Variants in FLVCR2 observed in about 807,000 individuals in gnomAD.
The protein encoded by FLVCR2 is FLVCR choline and putative heme transporter 2, also known as choline/ethanolamine transporter FLVCR2.
A neutral mutation model predicts 48.9 loss-of-function variants in FLVCR2; 38 were observed. The observed-to-expected ratio is 0.78, with a 90% CI of 0.60 to 1.02. The LOEUF (loss-of-function observed/expected upper bound fraction) is 1.02. FLVCR2 is among the 50% of genes least tolerant of loss of function. FLVCR2 has a pLI of 0.00. For synonymous variants in FLVCR2, 255 were observed against 257.0 expected, an observed-to-expected ratio of 0.99 and a Z score of 0.07; for missense variants, 664 against 663.3, an observed-to-expected ratio of 1.00 and a Z score of -0.01.
intron 1 of FLVCR2, among the ~76,000 whole-genome samples, chr14:75,617,242 A>G (rs1005426912): frequency 1.3e-5 from 2 of 152,198 alleles, no homozygotes; most frequent in African/African-American, 4.8e-5. Context: ...TAGAATCACA[A>G]GTGAGACATC....
intron 3 of FLVCR2, 111 bp downstream of exon 3, chr14:75,624,863 G>C: frequency 7.5e-7 from 1 of 1,326,704 alleles, no homozygotes; most frequent in Non-Finnish European, 1.1e-6. Context: ...ATGTAAAGCT[G>C]TTGTCTAGGG....
intron 1 of FLVCR2, chr14:75,596,003 CT>C: frequency 1.3e-6 from 2 of 1,486,176 alleles, no homozygotes; most frequent in Non-Finnish European, 1.9e-6. Context: ...AGCCGGTTGT[CT>C]TGCCACCACC....
intron 3 of FLVCR2, chr14:75,631,974 C>T: frequency 9.8e-6 from 4 of 407,268 alleles, no homozygotes; most frequent in South Asian, 5.5e-5. Flanking sequence ...CTGTGCTGCT[C>T]ACTGTGTGCA....
Position 75,633,656 on chromosome 14 carries a change from T to C in FLVCR2, c.980T>C (p.Leu327Ser), listed in dbSNP as rs765459389. The change falls in exon 4 of 10, where the codon TTG becomes TCG. Residue 327 changes from leucine to serine, a missense_variant. Physicochemically the swap from Leu to Ser is moderately radical, Grantham distance 145. Transcript: ENST00000238667. ...YGLNAGAFYA[L>S]STLLNRMVIW... ...CTGAATGCTGGTGCTTTTTATGCCT[T>C]GTCCACTCTTCTGAATCGCATGGTG... 3.7e-6 allele frequency: 6 copies of C among 1,614,166 alleles called. 1 individual carries two copies. In the South Asian group the frequency reaches 6.6e-5, roughly 18 times the overall value.
chr14:75,592,180 A>G (rs1888901377), intron 1 of FLVCR2, among the ~76,000 whole-genome samples: 1 of 151,956 alleles, frequency 6.6e-6, no homozygotes, highest in Admixed American at 6.6e-5. Flanking sequence ...GGAAGCTGCC[A>G]TGCCCACCAC....
intron 1 of FLVCR2, chr14:75,605,992 G>C (rs1203480002): frequency 7.5e-6 from 2 of 268,210 alleles, no homozygotes; most frequent in Non-Finnish European, 1.5e-5. Context: ...GAAAACATAG[G>C]AGGTGAGCAG....
chr14:75,609,903 A>T (rs1594800964), intron 1 of FLVCR2, among the ~76,000 whole-genome samples: 1 of 138,388 alleles, frequency 7.2e-6, no homozygotes, highest in African/African-American at 2.6e-5. Flanking sequence ...GTTGGGGGGG[A>T]TAGATGGGGG....
At chr14:75,601,424 C>A (rs1889163990) in intron 1 of FLVCR2, among the ~76,000 whole-genome samples, 1 of 152,152 alleles carries the variant, frequency 6.6e-6, no homozygotes. Flanking sequence ...GGGGCTTGCT[C>A]CCAACAGTCA....
chr14:75,622,470 A>G (rs1446116970), intron 2 of FLVCR2, among the ~76,000 whole-genome samples: 2 of 152,188 alleles, frequency 1.3e-5, no homozygotes, highest in Admixed American at 6.5e-5. Context: ...CCCCAGTCCT[A>G]CCTCATCAGA....
chr14:75,623,336 G>C (rs1274410381), intron 2 of FLVCR2, among the ~76,000 whole-genome samples: 1 of 152,098 alleles, frequency 6.6e-6, no homozygotes, highest in African/African-American at 2.4e-5. Flanking sequence ...GAGGTATTTG[G>C]TAAGATAATT....
At chr14:75,596,501 C>T (rs569355993) in intron 1 of FLVCR2, among the ~76,000 whole-genome samples, 1 of 152,062 alleles carries the variant, frequency 6.6e-6, no homozygotes, top group African/African-American at 2.4e-5. Context: ...CAGCTCCCAC[C>T]AATCATTGAT....
chr14:75,613,763 C>T (rs1447019640), intron 1 of FLVCR2, among the ~76,000 whole-genome samples: 1 of 152,158 alleles, frequency 6.6e-6, no homozygotes, highest in African/African-American at 2.4e-5. Context: ...GTTGGCCAGG[C>T]TGGTCTCAAA....
intron 1 of FLVCR2, among the ~76,000 whole-genome samples, chr14:75,600,000 T>C (rs1251176896): frequency 6.6e-6 from 1 of 152,170 alleles, no homozygotes; most frequent in Non-Finnish European, 1.5e-5. Context: ...CCTACTGGGC[T>C]GCACTCCCAG....
intron 1 of FLVCR2, among the ~76,000 whole-genome samples, chr14:75,590,256 G>C (rs1286751173): frequency 1.3e-5 from 2 of 152,156 alleles, no homozygotes; most frequent in Non-Finnish European, 2.9e-5. Flanking sequence ...TGTGAGATCA[G>C]CACCAAGCCG....
intron 1 of FLVCR2, chr14:75,605,583 A>C (rs1370774826): frequency 6.5e-7 from 1 of 1,536,002 alleles, no homozygotes; most frequent in Non-Finnish European, 8.7e-7. Context: ...GAGCGCAGAT[A>C]ACAGCAGCAC....
chr14:75,636,072 C>T (rs1387990516), intron 5 of FLVCR2, among the ~76,000 whole-genome samples: 1 of 152,160 alleles, frequency 6.6e-6, no homozygotes, highest in Non-Finnish European at 1.5e-5. Flanking sequence ...TCCAGTGCTC[C>T]CCGTTCACTG....
chr14:75,628,889 A>G (rs1314438908), intron 3 of FLVCR2, among the ~76,000 whole-genome samples: 1 of 152,212 alleles, frequency 6.6e-6, no homozygotes, highest in East Asian at 1.9e-4. Flanking sequence ...ATGCCTCCAG[A>G]CTGCCAGTCT....
At chr14:75,583,707 T>C (rs532472681) in intron 1 of FLVCR2, among the ~76,000 whole-genome samples, 1 of 152,226 alleles carries the variant, frequency 6.6e-6, no homozygotes, top group African/African-American at 2.4e-5. Context: ...AGGAATGTTG[T>C]CCAAGTTGGC....
At chr14:75,582,076 G>A (rs1888623517) in intron 1 of FLVCR2, among the ~76,000 whole-genome samples, 1 of 152,238 alleles carries the variant, frequency 6.6e-6, no homozygotes, top group Non-Finnish European at 1.5e-5. Flanking sequence ...GTGAGGGACA[G>A]AAGTTGTAAT....
Sources: gnomAD v4.1 joint callset for allele counts (sites outside exome capture counted in the v4.1 genomes callset) on GRCh38, gnomAD v4.1.1 for gene constraint, MANE v1.5 for transcripts, NCBI Gene and HGNC (gene_info 2026-07-23, HGNC 2026-07-21) for gene names.